ARMC9: variants seen among roughly 807,000 people sequenced by gnomAD.
ARMC9 encodes armadillo repeat containing 9, also known as lisH domain-containing protein ARMC9.
A neutral mutation model predicts 107.0 loss-of-function variants in ARMC9; 94 were observed. The observed-to-expected ratio is 0.88, with a 90% confidence interval of 0.74 to 1.04. ARMC9 has a LOEUF of 1.04. Ranked by LOEUF, ARMC9 falls within the 50% of genes least tolerant of loss-of-function variation. The probability of loss-of-function intolerance (pLI) is 0.00; values close to 1 mark genes in which losing one functional copy is unlikely to be tolerated. For synonymous variants in ARMC9, 380 were observed against 396.9 expected (o/e 0.96, Z 0.51); for missense variants, 942 against 1,030.1 (o/e 0.91, Z 1.17).
At chr2:231,369,545 C>T (rs2045935863) in intron 23 of ARMC9, among the ~76,000 whole-genome samples, 2 of 150,054 alleles carry the variant, frequency 1.3e-5, no homozygotes, top group South Asian at 2.1e-4. Flanking sequence ...CCGCCCGCCT[C>T]GGCCTCCCAA....
intron 20 of ARMC9, among the ~76,000 whole-genome samples, chr2:231,340,856 G>A (rs1327632720): frequency 6.6e-6 from 1 of 152,060 alleles, no homozygotes; most frequent in African/African-American, 2.4e-5. Context: ...CCACTGTACT[G>A]CCGCCTGGGC....
chr2:231,279,187 A>G (rs1370160678), intron 16 of ARMC9, among the ~76,000 whole-genome samples: 1 of 152,228 alleles, frequency 6.6e-6, no homozygotes, highest in African/African-American at 2.4e-5. Flanking sequence ...GAATGGCTAT[A>G]CTAGCGTTTG....
chr2:231,291,322 T>C lies in ARMC9; in HGVS notation c.1627-31T>C, dbSNP rs374700868. 139 of 1,563,728 alleles carry C rather than the reference T, an allele frequency of 8.9e-5. 1 individual carries two copies. The South Asian group carries it at 1.5e-3, about 17-fold the overall frequency. ...AGTAGTTTCCCTCCAGACACTGAAA[T>C]GTTAACTATTACTTTCGCCAATACT... On this transcript the variant is annotated intron_variant, in intron 17 of 24. Transcript: ENST00000611582.
chr2:231,280,640 A>G (rs891119592), intron 16 of ARMC9, among the ~76,000 whole-genome samples: 3 of 152,192 alleles, frequency 2.0e-5, no homozygotes, highest in African/African-American at 7.2e-5. Context: ...ATAACTGACT[A>G]TATGAACATT....
intron 19 of ARMC9, among the ~76,000 whole-genome samples, chr2:231,305,380 A>G (rs529084299): frequency 6.6e-6 from 1 of 152,372 alleles, no homozygotes; most frequent in East Asian, 1.9e-4. Context: ...CAACACTTTA[A>G]GTATTTCAGC....
rs148363199 is a variant in ARMC9, at chr2:231,331,051, A to C, written c.1774-742A>C. Among the ~76,000 whole-genome samples the C allele has an allele frequency of 2.0e-3, 310 of 152,244 alleles. 2 individuals are homozygous for C. Among genetic ancestry groups the C allele is most frequent in the African/African-American group, 7.1e-3 (297 of 41,548 alleles). On this transcript the variant is annotated intron_variant, in intron 19 of 24. Transcript: ENST00000611582. The stretch of plus-strand genomic sequence containing the variant: ...CAGCTACTTGGGAGGCTGAGAAGGG[A>C]GGATCACTTGAGCCCAGGAGGTCAA...
intron 7 of ARMC9, among the ~76,000 whole-genome samples, chr2:231,229,818 C>T (rs2035036683): frequency 6.6e-6 from 1 of 151,960 alleles, no homozygotes; most frequent in Non-Finnish European, 1.5e-5. Flanking sequence ...AAAAACAATT[C>T]CATATTTAAA....
At chr2:231,215,270 T>C (rs1018992038) in intron 4 of ARMC9, 1 of 357,556 alleles carries the variant, frequency 2.8e-6, no homozygotes, top group South Asian at 4.9e-5. Context: ...TAAAGTTTAT[T>C]TGGCAACTTA....
intron 12 of ARMC9, among the ~76,000 whole-genome samples, chr2:231,268,945 T>C (rs1434043085): frequency 6.6e-6 from 1 of 152,104 alleles, no homozygotes; most frequent in Non-Finnish European, 1.5e-5. Context: ...CGTGCACCTG[T>C]AGTCCCAGCT....
intron 1 of ARMC9, among the ~76,000 whole-genome samples, chr2:231,203,283 G>T (rs186475433): frequency 1.3e-5 from 2 of 152,234 alleles, no homozygotes; most frequent in Admixed American, 1.3e-4. Flanking sequence ...CCAGGTTTTC[G>T]TTGACTCAGC....
At chr2:231,256,534 A>T in intron 9 of ARMC9, 52 bp from the exon 10 acceptor site, 1 of 1,592,286 alleles carries the variant, frequency 6.3e-7, no homozygotes, top group Non-Finnish European at 8.6e-7. Context: ...GGATCCGTGC[A>T]TTGCTATCAG....
chr2:231,282,354 T>C (rs781135165), intron 17 of ARMC9, among the ~76,000 whole-genome samples: 2 of 152,204 alleles, frequency 1.3e-5, no homozygotes, highest in Non-Finnish European at 2.9e-5. Flanking sequence ...GGTTAAAAAT[T>C]AAAGTGTTAG....
intron 18 of ARMC9, 90 bp from the exon 19 acceptor site, chr2:231,296,108 G>A: frequency 2.3e-6 from 2 of 873,756 alleles, no homozygotes; most frequent in East Asian, 5.1e-5. Context: ...TCTCATTAAG[G>A]TGTTTATGTC....
chr2:231,247,716 A>C (rs1165315477), intron 9 of ARMC9, among the ~76,000 whole-genome samples: 1 of 152,140 alleles, frequency 6.6e-6, no homozygotes, highest in African/African-American at 2.4e-5. Flanking sequence ...AGATTACTTG[A>C]GGTCAGGAGT....
At chr2:231,236,837 G>A (rs1376924841) in intron 8 of ARMC9, among the ~76,000 whole-genome samples, 3 of 152,096 alleles carry the variant, frequency 2.0e-5, no homozygotes, top group African/African-American at 2.4e-5. Context: ...CCAGCTACTC[G>A]GGAGGCTGAG....
chr2:231,262,590 G>A (rs559707059), intron 12 of ARMC9, among the ~76,000 whole-genome samples, 192 bp downstream of exon 12: 43 of 152,278 alleles, frequency 2.8e-4, no homozygotes, highest in South Asian at 6.2e-4. Flanking sequence ...AGTTAGAACT[G>A]CCTGATTCAT....
intron 12 of ARMC9, chr2:231,270,547 AT>A (rs2039233866): frequency 2.2e-6 from 1 of 455,326 alleles, no homozygotes. Flanking sequence ...CACTTCCAGA[AT>A]TGTGGCGTTA....
chr2:231,231,781 C>T (rs181381348), intron 7 of ARMC9, among the ~76,000 whole-genome samples: 4 of 151,372 alleles, frequency 2.6e-5, no homozygotes, highest in Admixed American at 6.6e-5. Flanking sequence ...CTCCTGCTCC[C>T]GGGTTCAAGC....
intron 7 of ARMC9, among the ~76,000 whole-genome samples, chr2:231,229,138 C>T (rs1175838372): frequency 6.6e-6 from 1 of 151,988 alleles, no homozygotes; most frequent in African/African-American, 2.4e-5. Context: ...AAGCAAAGTG[C>T]ATCTGTGGCG....
Sources: allele counts gnomAD v4.1 joint callset (sites outside exome capture counted in the v4.1 genomes callset), GRCh38; gene constraint gnomAD v4.1.1; transcripts MANE v1.5; gene names NCBI Gene and HGNC (gene_info 2026-07-23, HGNC 2026-07-21).